The following FKBP15 variants were observed in gnomAD, a reference collection of about 807,000 sequenced individuals.
FKBP15 encodes FKBP prolyl isomerase family member 15, also known as FK506-binding protein 15.
A neutral mutation model predicts 158.1 loss-of-function variants in FKBP15; 106 were observed. The ratio of observed to expected loss-of-function variants is 0.67; its 90% confidence interval spans 0.57 to 0.79. The LOEUF (loss-of-function observed/expected upper bound fraction) is 0.79, where lower values mean the gene tolerates loss of function less well. FKBP15 is among the 30% of genes least tolerant of loss of function. The pLI is 0.00. For synonymous variants in FKBP15, 547 were observed against 548.6 expected (o/e 1.00, Z 0.04); for missense variants, 1,287 against 1,479.1 (o/e 0.87, Z 2.13).
At chr9:113,173,682 CT>C (rs1830254565) in intron 22 of FKBP15, 77 bp from the exon 23 acceptor site, 2 of 1,485,872 alleles carry the variant, frequency 1.3e-6, no homozygotes, top group African/African-American at 2.8e-5. Context: ...GGAAACCCAT[CT>C]TTCAAAAAGC....
intron 11 of FKBP15, among the ~76,000 whole-genome samples, chr9:113,190,979 G>A (rs567725458): frequency 4.6e-5 from 7 of 152,286 alleles, no homozygotes; most frequent in African/African-American, 1.7e-4. Context: ...GATCTGTGGA[G>A]AAAAGGAAAC....
chr9:113,181,586 T>G (rs1000890046), intron 19 of FKBP15, among the ~76,000 whole-genome samples: 11 of 152,168 alleles, frequency 7.2e-5, no homozygotes, highest in African/African-American at 2.4e-4. Context: ...GATTTAAGAA[T>G]ATCTAGTTTT....
In FKBP15 at chr9:113,207,433, G is replaced by A. The variant is rs145729581; in HGVS notation, c.170-137C>T. On this transcript the variant is annotated intron_variant, in intron 2 of 27. Transcript: ENST00000238256. ...CGGTTCACTGCAACCTCCACCTCCC[G>A]GGTTCAAGCCATTCTCCTGCCTCAG... 44 of 594,362 alleles carry A rather than the reference G, an allele frequency of 7.4e-5. 1 individual carries two copies. The Middle Eastern group carries it at 1.3e-3, about 18-fold the overall frequency. 36.8% of individuals were successfully genotyped at this position (594,362 alleles called of 1,614,324 possible). A position where few individuals can be genotyped will look rare whatever the true frequency, so the allele number is the denominator to read the frequency against.
At chr9:113,182,409 G>A (rs903321675) in intron 19 of FKBP15, among the ~76,000 whole-genome samples, 1 of 152,186 alleles carries the variant, frequency 6.6e-6, no homozygotes, top group African/African-American at 2.4e-5. Context: ...AGACACAGAT[G>A]AAGGAGCAAA....
intron 27 of FKBP15, among the ~76,000 whole-genome samples, chr9:113,166,404 T>C (rs1830100025): frequency 6.6e-6 from 1 of 152,232 alleles, no homozygotes; most frequent in African/African-American, 2.4e-5. Context: ...CATCATTTAT[T>C]TATGAAGCAC....
At position 113,163,419 on chromosome 9, in the gene FKBP15, T is replaced by G. The variant is rs1830048840; in HGVS notation, c.*2659A>C. ...GATCCTTTTTCTCACCTTTCTGCCT[T>G]TGGAACACATGAAGATCATCTCGTC... On this transcript the variant is annotated 3_prime_UTR_variant, in exon 28 of 28. Coordinates refer to ENST00000238256, the MANE Select transcript of FKBP15 (RefSeq NM_015258.2). The G allele has an allele frequency of 6.5e-6, 1 of 152,822 alleles. No homozygotes were observed. Among genetic ancestry groups the G allele is most frequent in the Non-Finnish European group, 1.5e-5 (1 of 68,170 alleles). 9.5% of individuals were successfully genotyped at this position (152,822 alleles called of 1,614,324 possible). A position where few individuals can be genotyped will look rare whatever the true frequency, so the allele number is the denominator to read the frequency against.
chr9:113,219,917 C>G (rs1220675828), intron 1 of FKBP15, among the ~76,000 whole-genome samples: 1 of 152,020 alleles, frequency 6.6e-6, no homozygotes, highest in Non-Finnish European at 1.5e-5. Flanking sequence ...CATCTAAAGA[C>G]GGGGTAGGAA....
At chr9:113,166,540 G>A (rs992790625) in intron 27 of FKBP15, among the ~76,000 whole-genome samples, 1 of 152,240 alleles carries the variant, frequency 6.6e-6, no homozygotes. Context: ...CTGAGAGAGC[G>A]AGAGGAAGTG....
chr9:113,188,740 T>C (rs1830525011), intron 12 of FKBP15, among the ~76,000 whole-genome samples: 1 of 152,214 alleles, frequency 6.6e-6, no homozygotes, highest in African/African-American at 2.4e-5. Context: ...TCCACAAATA[T>C]TCTCAGAGGT....
chr9:113,178,815 A>T lies in FKBP15; in HGVS notation c.1915-14T>A. On this transcript the variant is annotated splice_polypyrimidine_tract_variant and intron_variant, in intron 19 of 27. Coordinates refer to ENST00000238256, the MANE Select transcript of FKBP15 (RefSeq NM_015258.2). Reference sequence around the variant, plus strand: ...TGTCACCTTGGCCTGAATAATAACAAAGTATGATGTCACTTTAAACATAGG... The same window carrying T: ...TGTCACCTTGGCCTGAATAATAACATAGTATGATGTCACTTTAAACATAGG... 1 of 1,593,624 alleles carries T rather than the reference A, an allele frequency of 6.3e-7. No homozygotes were observed. Among genetic ancestry groups the T allele is most frequent in the East Asian group, 2.3e-5 (1 of 44,328 alleles).
At position 113,186,293 on chromosome 9, in the gene FKBP15, C is replaced by G; in HGVS notation, c.1454G>C (p.Arg485Pro). 1 of 1,570,774 alleles carries G rather than the reference C, an allele frequency of 6.4e-7. No homozygotes were observed. The highest frequency in any genetic ancestry group is 8.6e-7 in the Non-Finnish European group (1 of 1,157,254). ...SAVTSQLQPV[R>P]PLYPAPLSQP... Reference sequence around the variant, plus strand: ...AGAGAGCGGTGCTGGGTACAAAGGCCGAACGGGCTGCAGCTGGGAGGTGAC... The same window carrying G: ...AGAGAGCGGTGCTGGGTACAAAGGCGGAACGGGCTGCAGCTGGGAGGTGAC... The change falls in exon 15 of 28, where the codon CGG (arginine) becomes CCG (proline). Residue 485 changes from arginine (R) to proline (P), a missense_variant. Physicochemically the swap from Arg to Pro is moderately radical, Grantham distance 103. Coordinates refer to ENST00000238256, the MANE Select transcript of FKBP15 (RefSeq NM_015258.2).
rs191546483 is a variant in FKBP15 at position 113,165,271 on chromosome 9, T to A, written c.*807A>T. 13 of 152,308 alleles carry A rather than the reference T, an allele frequency of 8.5e-5. No individual in the cohort carries two copies. Among genetic ancestry groups the A allele is most frequent in the Admixed American group, 8.5e-4 (13 of 15,298 alleles). The allele number at this position is 152,308 out of a possible 1,614,324, so 9.4% of individuals were successfully genotyped here. A position where few individuals can be genotyped will look rare whatever the true frequency, so the allele number is the denominator to read the frequency against. Reference sequence around the variant, plus strand: ...GCTTCCTAGACTGCAGGACTAAGCCTGCAGGAGCAAGAGGATGACTGGACT... The same window carrying A: ...GCTTCCTAGACTGCAGGACTAAGCCAGCAGGAGCAAGAGGATGACTGGACT... On this transcript the variant is annotated 3_prime_UTR_variant, in exon 28 of 28. Transcript: ENST00000238256.
In FKBP15 at chr9:113,176,628, T is replaced by A; in HGVS notation, c.2132A>T (p.Glu711Val). 1 of 1,605,888 alleles carries A rather than the reference T, an allele frequency of 6.2e-7. No individual in the cohort carries two copies. Among genetic ancestry groups the A allele is most frequent in the Non-Finnish European group, 8.5e-7 (1 of 1,175,264 alleles). ...SEQAQSKFKS[E>V]KQNRKQLELK... is the part of the protein sequence containing the mutation. ...TTCCAGTTGTTTCCGGTTCTGCTTT[T>A]CACTTTTGAATTTGGACTGTGCTTG... Residue 711 changes from glutamate (E) to valine (V), a missense_variant, in exon 21 of 28, where the codon GAA (glutamate) becomes GTA (valine). Glu to Val is a moderately radical substitution (Grantham distance 121, BLOSUM62 -2). Transcript: ENST00000238256.
rs114395642 is a variant in FKBP15 at position 113,193,472 on chromosome 9, G to A, written c.1065+20C>T. Reference sequence around the variant, plus strand: ...TTACAGGTGTGAACCACCATGCCTGGCCAAGACTCTTATACTTACTGTATT... The same window carrying A: ...TTACAGGTGTGAACCACCATGCCTGACCAAGACTCTTATACTTACTGTATT... On this transcript the variant is annotated intron_variant, in intron 11 of 27. Transcript: ENST00000238256. 971 of 1,573,620 alleles carry A rather than the reference G, an allele frequency of 6.2e-4. 12 individuals carry two copies. The African/African-American group carries it at 0.012, about 19-fold the overall frequency.
intron 21 of FKBP15, 71 bp downstream of exon 21, chr9:113,176,466 G>T (rs1267650022): frequency 1.6e-5 from 24 of 1,475,380 alleles, no homozygotes; most frequent in Non-Finnish European, 2.2e-5. Context: ...ACATACTATT[G>T]TAATTTGTAA....
chr9:113,217,426 G>A (rs555917020), intron 1 of FKBP15, among the ~76,000 whole-genome samples: 3 of 151,414 alleles, frequency 2.0e-5, no homozygotes, highest in Non-Finnish European at 2.9e-5. Flanking sequence ...TGGCCAGGCT[G>A]GTCTCGAACT....
At chr9:113,186,006 C>T (rs977244939) in intron 15 of FKBP15, among the ~76,000 whole-genome samples, 12 of 152,178 alleles carry the variant, frequency 7.9e-5, no homozygotes, top group African/African-American at 2.7e-4. Flanking sequence ...TGGGGGATGA[C>T]GGAAATGTTC....
rs1029568688 is a variant in FKBP15 at position 113,162,822 on chromosome 9, G to A, written c.*3256C>T. ...GGTCATCGGCTACTTCATCATGCTGGCCGTAATGTCCTACAACACCTGGAT... is the reference window on the plus strand; with the variant it reads ...GGTCATCGGCTACTTCATCATGCTGACCGTAATGTCCTACAACACCTGGAT... On this transcript the variant is annotated 3_prime_UTR_variant, in exon 28 of 28. Coordinates refer to ENST00000238256, the MANE Select transcript of FKBP15 (RefSeq NM_015258.2). 5 of 1,613,610 alleles carry A rather than the reference G, an allele frequency of 3.1e-6. No individual in the cohort carries two copies. The African/African-American group carries it at 6.7e-5, about 22-fold the overall frequency.
In FKBP15 at chr9:113,165,429, A is replaced by G. The variant is rs1357694391; in HGVS notation, c.*649T>C. ...CACAACGTTTTGTGCACATTAACTG[A>G]CCCAGATCTGTAAGACTCCTACCCT... On this transcript the variant is annotated 3_prime_UTR_variant, in exon 28 of 28. Coordinates refer to ENST00000238256, the MANE Select transcript of FKBP15 (RefSeq NM_015258.2). 1.3e-5 allele frequency: 2 copies of G among 151,638 alleles called. No individual in the cohort carries two copies. Among genetic ancestry groups the G allele is most frequent in the Non-Finnish European group, 2.9e-5 (2 of 67,904 alleles). The allele number at this position is 151,638 out of a possible 1,614,324, so 9.4% of individuals were successfully genotyped here. A position where few individuals can be genotyped will look rare whatever the true frequency, so the allele number is the denominator to read the frequency against.
Sources: gnomAD v4.1 joint callset for allele counts (sites outside exome capture counted in the v4.1 genomes callset) on GRCh38, gnomAD v4.1.1 for gene constraint, MANE v1.5 for transcripts, NCBI Gene and HGNC (gene_info 2026-07-23, HGNC 2026-07-21) for gene names.